NAF1: variants seen among roughly 807,000 people sequenced by gnomAD.
NAF1 encodes H/ACA ribonucleoprotein complex non-core subunit NAF1.
A neutral mutation model predicts 40.6 loss-of-function variants in NAF1; 11 were observed. That is an observed-to-expected ratio of 0.27 (90% CI 0.17 to 0.45). The LOEUF (loss-of-function observed/expected upper bound fraction) is 0.45, where lower values mean the gene tolerates loss of function less well. NAF1 is among the 20% of genes least tolerant of loss of function. The probability of loss-of-function intolerance (pLI) is 1.00; values close to 1 mark genes in which losing one functional copy is unlikely to be tolerated. For missense variants in NAF1, 607 were observed against 611.1 expected (o/e 0.99, Z 0.07); for synonymous variants, 260 against 228.5 (o/e 1.14, Z -1.24).
At chr4:163,117,365 A>G (rs1258245707) in intron 2 of NAF1, 5 of 152,208 alleles carry the variant, frequency 3.3e-5, no homozygotes, top group Admixed American at 2.6e-4. Context: ...CTGACCAATA[A>G]TAAGCACAAA....
At chr4:163,136,446 A>C (rs1005822546) in intron 6 of NAF1, 2 of 151,316 alleles carry the variant, frequency 1.3e-5, no homozygotes, top group Admixed American at 6.6e-5. Context: ...ATTTATATAC[A>C]TTTTTATTTT....
chr4:163,122,185 T>A (rs1730536487), downstream of NAF1, among the ~76,000 whole-genome samples: 2 of 152,204 alleles, frequency 1.3e-5, no homozygotes, highest in South Asian at 4.1e-4. Context: ...AGATTTCCAA[T>A]ACCTGAGAAT....
At chr4:163,164,860 T>A (rs1413246467) in intron 1 of NAF1, among the ~76,000 whole-genome samples, 2 of 152,250 alleles carry the variant, frequency 1.3e-5, no homozygotes, top group African/African-American at 4.8e-5. Flanking sequence ...TACGAAAGTA[T>A]GTAGACCATT....
At chr4:163,165,201 G>A (rs1732400877) in intron 1 of NAF1, among the ~76,000 whole-genome samples, 1 of 152,142 alleles carries the variant, frequency 6.6e-6, no homozygotes, top group Non-Finnish European at 1.5e-5. Flanking sequence ...GTTAAAACAA[G>A]AAAAAGTGCA....
downstream of NAF1, among the ~76,000 whole-genome samples, chr4:163,107,606 A>G (rs142333427): frequency 1.4e-4 from 22 of 152,282 alleles, no homozygotes; most frequent in East Asian, 3.9e-3. Flanking sequence ...AGAGTCCTAC[A>G]TTGCTCGACT....
At position 163,129,045 on chromosome 4, in the gene NAF1, G is replaced by C; in HGVS notation, c.1337C>G (p.Pro446Arg). 6.5e-7 allele frequency: 1 copy of C among 1,540,672 alleles called. No homozygotes were observed. ...TGGTGTAGCCCAACCCATGTTTACA[G>C]GTGGGGGTGGTGGTGGGGGTGGAGG... The part of the protein sequence containing the change: ...LRPPPPPPPP[P>R]VNMGWATPNM... Residue 446 changes from proline to arginine, a missense_variant, in exon 8 of 8, where the codon CCT becomes CGT. Physicochemically the swap from Pro to Arg is moderately radical, Grantham distance 103. This residue lies in a region of NAF1 where 189 missense variants were observed against 216.6 expected (regional missense o/e 0.87). Coordinates refer to ENST00000274054, the MANE Select transcript of NAF1 (RefSeq NM_138386.3).
At chr4:163,120,261 G>C (rs764825698) in intron 2 of NAF1, among the ~76,000 whole-genome samples, 8 of 152,194 alleles carry the variant, frequency 5.3e-5, no homozygotes, top group Non-Finnish European at 8.8e-5. Context: ...GCACACTGTA[G>C]TGGCTACTGA....
chr4:163,160,654 T>A (rs1732180797), intron 2 of NAF1, among the ~76,000 whole-genome samples: 1 of 152,170 alleles, frequency 6.6e-6, no homozygotes, highest in South Asian at 2.1e-4. Context: ...AATAGGAAAC[T>A]GCTAGAAAAC....
intron 2 of NAF1, among the ~76,000 whole-genome samples, chr4:163,120,558 C>G (rs1005038181): frequency 6.6e-6 from 1 of 152,172 alleles, no homozygotes; most frequent in African/African-American, 2.4e-5. Context: ...CCCATTTCAC[C>G]TTTATATGAG....
exon 3 of NAF1, chr4:163,110,123 G>C: frequency 1.9e-6 from 1 of 529,760 alleles, no homozygotes; most frequent in Non-Finnish European, 3.3e-6. Context: ...AAATCTGTGG[G>C]TTGCCATGAG....
chr4:163,122,342 G>A (rs889640649), downstream of NAF1, among the ~76,000 whole-genome samples: 2 of 152,016 alleles, frequency 1.3e-5, no homozygotes, highest in African/African-American at 2.4e-5. Flanking sequence ...AAAAAATGCA[G>A]AACAAAAAGA....
rs1732474449 is a variant in NAF1 at position 163,166,467 on chromosome 4, A to G, written c.261T>C (p.Ala87=). The part of the protein sequence containing the change: ...GTPAPQPQPP[A]ESPACGDCVT... Reference sequence around the variant, plus strand: ...CGCAGTCTCCGCAGGCCGGCGATTCAGCCGGTGGCTGTGGCTGCGGCGCCG... The same window carrying G: ...CGCAGTCTCCGCAGGCCGGCGATTCGGCCGGTGGCTGTGGCTGCGGCGCCG... The change falls in exon 1 of 8, where the codon GCT becomes GCC. Residue 87 remains alanine, a synonymous_variant. Transcript: ENST00000274054. 1 of 1,603,984 alleles carries G rather than the reference A, an allele frequency of 6.2e-7. No homozygotes were observed.
intron 1 of NAF1, among the ~76,000 whole-genome samples, chr4:163,165,062 T>A (rs1243455481): frequency 1.3e-5 from 2 of 152,222 alleles, no homozygotes; most frequent in East Asian, 3.9e-4. Flanking sequence ...ACATTAATGA[T>A]TTCAGTCATC....
At chr4:163,133,098 A>G (rs1428446110) in intron 7 of NAF1, 56 bp downstream of exon 7, 2 of 1,392,874 alleles carry the variant, frequency 1.4e-6, no homozygotes, top group East Asian at 4.6e-5. Context: ...TTATTGATAA[A>G]CTTATATAGA....
In NAF1 at chr4:163,156,209, C is replaced by A. The variant is rs1441415771; in HGVS notation, c.541-7775G>T. On this transcript the variant is annotated intron_variant, in intron 2 of 7. Transcript: ENST00000274054. ...TCAGAAAACATACTGTGGGACATTACCACTCTGGCAGTGCACAGAAGATAC... is the reference window on the plus strand; with the variant it reads ...TCAGAAAACATACTGTGGGACATTAACACTCTGGCAGTGCACAGAAGATAC... 1.8e-5 allele frequency among the ~76,000 whole-genome samples: 2 copies of A among 113,424 alleles called. 1 individual carries two copies. The highest frequency in any genetic ancestry group is 5.6e-5 in the African/African-American group (2 of 35,452). 74.4% of individuals were successfully genotyped at this position (113,424 alleles called of 152,430 possible).
chr4:163,108,549 CA>C (rs1354224950), downstream of NAF1, among the ~76,000 whole-genome samples: 1 of 152,186 alleles, frequency 6.6e-6, no homozygotes, highest in African/African-American at 2.4e-5. Context: ...CTAAGATTTA[CA>C]CTAACCTGTT....
At chr4:163,126,899 C>A, downstream of NAF1, 1 of 1,470,630 alleles carries the variant, frequency 6.8e-7, no homozygotes, top group South Asian at 1.4e-5. Flanking sequence ...TCACTGCAGG[C>A]TCAAAGGGTC....
intron 1 of NAF1, among the ~76,000 whole-genome samples, 187 bp from the exon 2 acceptor site, chr4:163,164,578 A>G (rs1019254578): frequency 4.1e-5 from 6 of 147,710 alleles, no homozygotes; most frequent in African/African-American, 1.5e-4. Flanking sequence ...TTCTAATTCA[A>G]AACTAGCACT....
chr4:163,161,868 C>A (rs1176762456), intron 2 of NAF1, among the ~76,000 whole-genome samples: 1 of 152,152 alleles, frequency 6.6e-6, no homozygotes, highest in African/African-American at 2.4e-5. Flanking sequence ...CACCCAACAT[C>A]CCACCCTCCT....
Sources: allele counts gnomAD v4.1 joint callset (sites outside exome capture counted in the v4.1 genomes callset), GRCh38; gene constraint gnomAD v4.1.1; regional missense constraint gnomAD v4.1.1; transcripts MANE v1.5; gene names NCBI Gene and HGNC (gene_info 2026-07-23, HGNC 2026-07-21).